The following COG7 variants were observed in gnomAD, a reference collection of about 807,000 sequenced individuals.
COG7 encodes the protein conserved oligomeric Golgi complex subunit 7.
COG7 carries 49 observed loss-of-function variants against 91.5 expected under a neutral mutation model. That is an observed-to-expected ratio of 0.54 (90% CI 0.43 to 0.68). COG7 has a LOEUF of 0.68. COG7 is among the 30% of genes least tolerant of loss of function. The probability of loss-of-function intolerance (pLI) is 0.00; values close to 1 mark genes in which losing one functional copy is unlikely to be tolerated. For missense variants in COG7, 895 were observed against 961.3 expected (o/e 0.93, Z 0.91); for synonymous variants, 365 against 388.7 (o/e 0.94, Z 0.72).
intron 6 of COG7, among the ~76,000 whole-genome samples, chr16:23,427,273 A>C (rs1963863811): frequency 6.6e-6 from 1 of 151,860 alleles, no homozygotes; most frequent in African/African-American, 2.4e-5. Flanking sequence ...AAACAAACAA[A>C]AAAAAACCAG....
At chr16:23,444,843 C>A (rs1236063630) in intron 3 of COG7, among the ~76,000 whole-genome samples, 1 of 152,040 alleles carries the variant, frequency 6.6e-6, no homozygotes, top group African/African-American at 2.4e-5. Context: ...TGAACTCATT[C>A]TGTGACTAAG....
intron 1 of COG7, among the ~76,000 whole-genome samples, chr16:23,451,549 AAAAAAAAATTT>A (rs1440786608): frequency 6.7e-6 from 1 of 149,054 alleles, no homozygotes; most frequent in Non-Finnish European, 1.5e-5. Context: ...CCTTGTCTCT[AAAAAAAAATTT>A]TTTTTTTTAA....
chr16:23,431,349 A>G (rs550894272), intron 6 of COG7, among the ~76,000 whole-genome samples: 204 of 152,204 alleles, frequency 1.3e-3, no homozygotes, highest in Non-Finnish European at 2.3e-3. Flanking sequence ...CAACAGTATA[A>G]ATCAGCAGAA....
intron 2 of COG7, among the ~76,000 whole-genome samples, chr16:23,445,390 C>T (rs1214516918): frequency 7.2e-5 from 11 of 152,062 alleles, no homozygotes; most frequent in Admixed American, 2.0e-4. Context: ...CAGTGGCTCA[C>T]GCCTGTAATC....
intron 16 of COG7, 26 bp downstream of exon 16, chr16:23,392,354 C>T (rs763651543): frequency 3.1e-6 from 5 of 1,613,896 alleles, no homozygotes; most frequent in East Asian, 4.5e-5. Flanking sequence ...GCTGTCCCTC[C>T]CACCGCCTGT....
At chr16:23,392,062 G>C (rs940635751) in intron 16 of COG7, 2 of 1,267,552 alleles carry the variant, frequency 1.6e-6, no homozygotes, top group South Asian at 1.6e-5. Flanking sequence ...AACACTGGTT[G>C]GGAATTATGG....
intron 13 of COG7, among the ~76,000 whole-genome samples, chr16:23,399,085 C>T (rs1963332961): frequency 6.6e-6 from 1 of 152,174 alleles, no homozygotes; most frequent in Non-Finnish European, 1.5e-5. Context: ...CTGCTGTCTG[C>T]AGCCACCTGA....
intron 7 of COG7, among the ~76,000 whole-genome samples, chr16:23,423,617 C>G (rs1963796025): frequency 6.6e-6 from 1 of 152,206 alleles, no homozygotes. Flanking sequence ...GCCAAAAACA[C>G]CGATGAGTCA....
intron 3 of COG7, 149 bp from the exon 4 acceptor site, chr16:23,442,794 C>T (rs951938792): frequency 1.3e-5 from 10 of 742,552 alleles, no homozygotes; most frequent in East Asian, 2.6e-5. Flanking sequence ...CCAGCACTTT[C>T]GGAGATTGAG....
chr16:23,403,455 A>G (rs1406181160), intron 13 of COG7, among the ~76,000 whole-genome samples: 1 of 152,258 alleles, frequency 6.6e-6, no homozygotes, highest in Non-Finnish European at 1.5e-5. Flanking sequence ...AAAGTTAATC[A>G]AGCAATTTTA....
chr16:23,411,825 C>T (rs1449884076), intron 10 of COG7, among the ~76,000 whole-genome samples: 1 of 151,678 alleles, frequency 6.6e-6, no homozygotes, highest in Non-Finnish European at 1.5e-5. Flanking sequence ...GGCCATTTCT[C>T]TCTTGGGAAA....
intron 4 of COG7, 103 bp from the exon 5 acceptor site, chr16:23,434,821 C>T (rs1963989943): frequency 7.8e-6 from 6 of 767,008 alleles, no homozygotes; most frequent in Admixed American, 2.0e-5. Context: ...CTAGTATTCA[C>T]AAGTTCCTGC....
intron 6 of COG7, among the ~76,000 whole-genome samples, chr16:23,429,072 C>T (rs1180895964): frequency 2.0e-5 from 3 of 152,116 alleles, no homozygotes; most frequent in Non-Finnish European, 4.4e-5. Flanking sequence ...TCATTGAAGC[C>T]TCAACTTCCC....
At chr16:23,403,284 A>T (rs938424326) in intron 13 of COG7, among the ~76,000 whole-genome samples, 1 of 152,228 alleles carries the variant, frequency 6.6e-6, no homozygotes, top group Non-Finnish European at 1.5e-5. Context: ...TTCAATTCTG[A>T]TAAGGTACTC....
At chr16:23,417,185 A>G in intron 8 of COG7, 64 bp from the exon 9 acceptor site, 2 of 1,542,208 alleles carry the variant, frequency 1.3e-6, no homozygotes, top group Non-Finnish European at 1.8e-6. Context: ...AGATAGGGGA[A>G]GACCTCCAAG....
At chr16:23,445,535 C>T (rs1338551561) in intron 2 of COG7, among the ~76,000 whole-genome samples, 1 of 152,092 alleles carries the variant, frequency 6.6e-6, no homozygotes, top group African/African-American at 2.4e-5. Context: ...CGTCTGTGAT[C>T]CCAGCTACTC....
At chr16:23,409,088 T>TGTGTGTGTGTGTGTGC (rs567307217) in intron 11 of COG7, among the ~76,000 whole-genome samples, 18 of 147,910 alleles carry the variant, frequency 1.2e-4, no homozygotes, top group African/African-American at 3.5e-4. Flanking sequence ...TGTGTGTGTG[T>TGTGTGTGTGTGTGTGC]GCGTGCATGT....
At chr16:23,392,095 G>A in intron 16 of COG7, 1 of 1,327,382 alleles carries the variant, frequency 7.5e-7, no homozygotes, top group African/African-American at 1.5e-5. Context: ...GGGCCAGGTG[G>A]GGCCAGGCTG....
chr16:23,413,673 T>C (rs1478712209), intron 9 of COG7, 109 bp from the exon 10 acceptor site: 1 of 760,722 alleles, frequency 1.3e-6, no homozygotes, highest in East Asian at 2.5e-5. Context: ...CTTGAGAGCA[T>C]CTTTAGAGGC....
Sources: gnomAD v4.1 joint callset for allele counts (sites outside exome capture counted in the v4.1 genomes callset) on GRCh38, gnomAD v4.1.1 for gene constraint, MANE v1.5 for transcripts, NCBI Gene and HGNC (gene_info 2026-07-23, HGNC 2026-07-21) for gene names.